The following FOXO1 variants were observed in gnomAD, a reference collection of about 807,000 sequenced individuals.
FOXO1 encodes the protein forkhead box protein O1.
FOXO1 carries 6 observed loss-of-function variants against 44.1 expected under a neutral mutation model. The ratio of observed to expected loss-of-function variants is 0.14; its 90% CI spans 0.07 to 0.27. FOXO1 has a LOEUF of 0.27. Among genes scored for constraint, FOXO1 ranks in the 10% least tolerant of loss-of-function variants. The pLI, the probability that FOXO1 is intolerant of heterozygous loss-of-function variation, is 1.00. For synonymous variants in FOXO1, 380 were observed against 362.7 expected, an observed-to-expected ratio of 1.05 and a Z score of -0.54; for missense variants, 737 against 888.8, an observed-to-expected ratio of 0.83 and a Z score of 2.17.
chr13:40,572,387 C>A (rs959112258), intron 1 of FOXO1, among the ~76,000 whole-genome samples: 1 of 141,280 alleles, frequency 7.1e-6, no homozygotes, highest in South Asian at 2.5e-4. Flanking sequence ...AACAGAGTAC[C>A]AAGTCTAGAT....
At chr13:40,604,558 T>C (rs1875929535) in intron 1 of FOXO1, among the ~76,000 whole-genome samples, 1 of 152,168 alleles carries the variant, frequency 6.6e-6, no homozygotes. Flanking sequence ...CCAGCATCTA[T>C]GACCAGGCAG....
In FOXO1 at chr13:40,559,789, G is replaced by A; in HGVS notation, c.1702C>T (p.His568Tyr). 1 of 1,613,828 alleles carries A rather than the reference G, an allele frequency of 6.2e-7. No homozygotes were observed. Among genetic ancestry groups the A allele is most frequent in the Non-Finnish European group, 8.5e-7 (1 of 1,179,830 alleles). The stretch of plus-strand genomic sequence containing the variant: ...CCCAGGGCACTCATCTGCATGGGGT[G>A]GGGCAGAGGCACTTGTACAGGTGTC... ...VKTPVQVPLPHPMQMSALGGY... is the reference protein window; with the variant it reads ...VKTPVQVPLPYPMQMSALGGY... Residue 568 changes from histidine (H) to tyrosine (Y), a missense_variant, in exon 2 of 3, where the codon CAC becomes TAC. By Grantham distance (83) the His-to-Tyr change is moderately conservative. This residue lies in a region of FOXO1 where 283 missense variants were observed against 278.1 expected (regional missense o/e 1.02). Transcript: ENST00000379561.
intron 1 of FOXO1, among the ~76,000 whole-genome samples, chr13:40,579,317 T>C (rs1376636069): frequency 1.3e-5 from 2 of 152,176 alleles, no homozygotes; most frequent in African/African-American, 2.4e-5. Context: ...CATGCCTTAC[T>C]CTTTGATGGA....
At chr13:40,562,780 A>T (rs972786368) in intron 1 of FOXO1, 59 of 152,304 alleles carry the variant, frequency 3.9e-4, no homozygotes, top group African/African-American at 1.3e-3. Context: ...TGAGAAAGCC[A>T]TGGTTTGATT....
intron 1 of FOXO1, among the ~76,000 whole-genome samples, chr13:40,632,054 G>A (rs1222535555): frequency 6.6e-6 from 1 of 151,864 alleles, no homozygotes; most frequent in Non-Finnish European, 1.5e-5. Flanking sequence ...GGTGGATCAC[G>A]AGGTCAGGAG....
At chr13:40,608,793 C>T (rs569343814) in intron 1 of FOXO1, among the ~76,000 whole-genome samples, 1 of 152,242 alleles carries the variant, frequency 6.6e-6, no homozygotes, top group African/African-American at 2.4e-5. Context: ...AAATGTTATC[C>T]TTTCAGTGTC....
intron 1 of FOXO1, among the ~76,000 whole-genome samples, chr13:40,603,646 G>A (rs1294614092): frequency 6.6e-6 from 1 of 152,112 alleles, no homozygotes; most frequent in Admixed American, 6.6e-5. Flanking sequence ...TCTTTCAAGT[G>A]TAAGAGGAAT....
intron 1 of FOXO1, among the ~76,000 whole-genome samples, chr13:40,601,121 T>C (rs1417161842): frequency 6.6e-6 from 1 of 152,170 alleles, no homozygotes; most frequent in Admixed American, 6.5e-5. Context: ...CATCTTCCCT[T>C]TCATCAGACT....
Position 40,651,112 on chromosome 13 carries a change from T to G in FOXO1, c.630+14471A>C, listed in dbSNP as rs542217382. 2.5e-3 allele frequency among the ~76,000 whole-genome samples: 362 copies of G among 142,990 alleles called. 3 individuals are homozygous for G. Among genetic ancestry groups the G allele is most frequent in the African/African-American group, 8.1e-3 (317 of 39,036 alleles). 93.8% of individuals were successfully genotyped at this position (142,990 alleles called of 152,430 possible). On this transcript the variant is annotated intron_variant, in intron 1 of 2. Transcript: ENST00000379561. ...TTTTGTTTTTTGTTTTTTGTTTTTG[T>G]TTTTTTTTAAGAAACATGGTCCCAG... is the stretch of plus-strand genomic sequence containing the variant.
intron 1 of FOXO1, among the ~76,000 whole-genome samples, chr13:40,636,370 T>C (rs1004102150): frequency 6.6e-6 from 1 of 152,096 alleles, no homozygotes. Flanking sequence ...GAAAGGCTAC[T>C]GTAAGAATAA....
intron 1 of FOXO1, among the ~76,000 whole-genome samples, chr13:40,563,104 C>T (rs558470790): frequency 1.6e-4 from 24 of 152,218 alleles, no homozygotes; most frequent in Non-Finnish European, 2.5e-4. Flanking sequence ...TGCATCTCTG[C>T]GGCCCCTCTT....
At chr13:40,647,577 G>A (rs1368652341) in intron 1 of FOXO1, among the ~76,000 whole-genome samples, 1 of 152,066 alleles carries the variant, frequency 6.6e-6, no homozygotes, top group Non-Finnish European at 1.5e-5. Context: ...GCTAGTTTTT[G>A]TATTTTTAGT....
chr13:40,639,374 C>T (rs183455551), intron 1 of FOXO1, among the ~76,000 whole-genome samples: 124 of 152,114 alleles, frequency 8.2e-4, no homozygotes, highest in African/African-American at 2.8e-3. Context: ...ACCACAGGGT[C>T]GCCTGTCAGT....
rs1358843582 is a variant in FOXO1, at chr13:40,560,996, T to C, written c.631-136A>G. 6.4e-6 allele frequency: 5 copies of C among 783,178 alleles called. No homozygotes were observed. The highest frequency in any genetic ancestry group is 7.9e-6 in the Non-Finnish European group (4 of 504,376). The allele number at this position is 783,178 out of a possible 1,614,324, so 48.5% of individuals were successfully genotyped here. A position where few individuals can be genotyped will look rare whatever the true frequency, so the allele number is the denominator to read the frequency against. On this transcript the variant is annotated intron_variant, in intron 1 of 2. Coordinates refer to ENST00000379561, the MANE Select transcript of FOXO1 (RefSeq NM_002015.4). The surrounding 1 kb of genome is among the most constrained non-coding windows in gnomAD (Gnocchi z 5.1). Reference sequence around the variant, plus strand: ...CAGATTTCCATCTGAACAGTCCTAATGGCTCTGAAGCCACTACAAAAGATC... The same window carrying C: ...CAGATTTCCATCTGAACAGTCCTAACGGCTCTGAAGCCACTACAAAAGATC...
At chr13:40,573,090 T>C (rs1874604859) in intron 1 of FOXO1, among the ~76,000 whole-genome samples, 1 of 152,170 alleles carries the variant, frequency 6.6e-6, no homozygotes, top group Non-Finnish European at 1.5e-5. Flanking sequence ...ACACCTAACA[T>C]GAATGAAGCC....
chr13:40,663,251 C>G (rs1447061472), intron 1 of FOXO1, among the ~76,000 whole-genome samples: 1 of 152,082 alleles, frequency 6.6e-6, no homozygotes, highest in Admixed American at 6.5e-5. Context: ...TTAAAAAAAT[C>G]AGAACAAGAA....
intron 1 of FOXO1, among the ~76,000 whole-genome samples, chr13:40,563,770 C>T (rs1874144960): frequency 6.6e-6 from 1 of 152,178 alleles, no homozygotes. Context: ...CACACACACA[C>T]ATGTATGCTC....
In FOXO1 at chr13:40,557,353, G is replaced by A. The variant is rs994309082; in HGVS notation, c.*1696C>T. On this transcript the variant is annotated 3_prime_UTR_variant, in exon 3 of 3. Coordinates refer to ENST00000379561, the MANE Select transcript of FOXO1 (RefSeq NM_002015.4). ...TCTGTCAGTTACAGGTAATTGGAAA[G>A]TAATAAAACATAATGATAGGAATTA... is the stretch of plus-strand genomic sequence containing the variant. 1.3e-5 allele frequency: 2 copies of A among 152,346 alleles called. No individual in the cohort carries two copies. The highest frequency in any genetic ancestry group is 1.9e-4 in the East Asian group (1 of 5,192). The allele number at this position is 152,346 out of a possible 1,614,324, so 9.4% of individuals were successfully genotyped here. A position where few individuals can be genotyped will look rare whatever the true frequency, so the allele number is the denominator to read the frequency against.
chr13:40,594,467 A>G (rs1007949224), intron 1 of FOXO1, among the ~76,000 whole-genome samples: 1 of 152,202 alleles, frequency 6.6e-6, no homozygotes, highest in Non-Finnish European at 1.5e-5. Flanking sequence ...GTGATGGGAA[A>G]CAGGCCCAGG....
Sources: gnomAD v4.1 joint callset for allele counts (sites outside exome capture counted in the v4.1 genomes callset) on GRCh38, gnomAD v4.1.1 for gene constraint, gnomAD v4.1.1 regional missense constraint, Gnocchi (gnomAD v3.1) non-coding constraint, MANE v1.5 for transcripts, NCBI Gene and HGNC (gene_info 2026-07-23, HGNC 2026-07-21) for gene names.